FOXN3: variants seen among roughly 807,000 people sequenced by gnomAD.
FOXN3 encodes forkhead box protein N3.
FOXN3 carries 7 observed loss-of-function variants against 38.4 expected under a neutral mutation model. That is an observed-to-expected ratio of 0.18 (90% CI 0.10 to 0.34). FOXN3 has a LOEUF of 0.34. FOXN3 is among the 10% of genes least tolerant of loss of function. FOXN3 has a pLI of 1.00. For missense variants in FOXN3, 456 were observed against 613.4 expected (o/e 0.74, Z 2.71); for synonymous variants, 230 against 242.2 (o/e 0.95, Z 0.47).
chr14:89,415,075 T>C (rs771387090), intron 1 of FOXN3, among the ~76,000 whole-genome samples: 2 of 152,220 alleles, frequency 1.3e-5, no homozygotes, highest in Admixed American at 6.5e-5. Flanking sequence ...GAACGAATTA[T>C]AGCACCACTT....
In FOXN3 at chr14:89,600,763, T is replaced by C. The variant is rs1485225987; in HGVS notation, c.-15+18265A>G. On this transcript the variant is annotated intron_variant, in intron 1 of 6. Coordinates refer to the FOXN3 transcript ENST00000345097. ...GGACCCTATATACTATTAATGCCCT[T>C]GGCTGAGACTTGGTGCATTTGTGTA... Among the ~76,000 whole-genome samples the C allele has an allele frequency of 3.3e-5, 5 of 152,330 alleles. No individual in the cohort carries two copies. The East Asian group carries it at 7.7e-4, about 23-fold the overall frequency.
chr14:89,336,925 A>T (rs3783853), intron 3 of FOXN3, among the ~76,000 whole-genome samples: 2 of 151,908 alleles, frequency 1.3e-5, no homozygotes, highest in African/African-American at 4.8e-5. Flanking sequence ...AACATGCCAC[A>T]TCTAAGGGGT....
chr14:89,252,529 C>T (rs1007709939), intron 4 of FOXN3, among the ~76,000 whole-genome samples: 2 of 152,014 alleles, frequency 1.3e-5, no homozygotes, highest in Non-Finnish European at 2.9e-5. Flanking sequence ...TGGTGCATGC[C>T]TGTAATCCCA....
chr14:89,473,583 G>A (rs1052005407), intron 1 of FOXN3, among the ~76,000 whole-genome samples: 1 of 151,940 alleles, frequency 6.6e-6, no homozygotes, highest in African/African-American at 2.4e-5. Context: ...GCCCAGGCCA[G>A]TCTCAAGCTC....
chr14:89,167,460 G>C (rs1957833), intron 5 of FOXN3, among the ~76,000 whole-genome samples: 123,695 of 152,196 alleles, frequency 0.81, 50,527 homozygotes, highest in Non-Finnish European at 0.85. Context: ...CAGGGATTTA[G>C]TTGAGGACTC....
intron 4 of FOXN3, among the ~76,000 whole-genome samples, chr14:89,214,098 T>C (rs1884187614): frequency 6.6e-6 from 1 of 152,224 alleles, no homozygotes; most frequent in African/African-American, 2.4e-5. Context: ...CAGTGTGCCT[T>C]CTCTCTCAAC....
intron 4 of FOXN3, among the ~76,000 whole-genome samples, chr14:89,197,301 G>A (rs1839046538): frequency 6.6e-6 from 1 of 152,128 alleles, no homozygotes; most frequent in Non-Finnish European, 1.5e-5. Context: ...GAGGTCAGGA[G>A]TTCAAGACCA....
intron 3 of FOXN3, among the ~76,000 whole-genome samples, chr14:89,337,063 G>A (rs950016083): frequency 1.3e-5 from 2 of 152,074 alleles, no homozygotes; most frequent in African/African-American, 2.4e-5. Flanking sequence ...AATCAGGGAG[G>A]GGGAGGTGCC....
intron 4 of FOXN3, among the ~76,000 whole-genome samples, chr14:89,204,997 T>C (rs1888343164): frequency 1.4e-5 from 2 of 142,210 alleles, no homozygotes; most frequent in African/African-American, 6.2e-5. Flanking sequence ...GTGCAAGAGC[T>C]GATTTTCTGG....
chr14:89,194,863 A>T (rs551191526), intron 4 of FOXN3, among the ~76,000 whole-genome samples: 39 of 152,180 alleles, frequency 2.6e-4, no homozygotes, highest in Non-Finnish European at 4.9e-4. Flanking sequence ...TGAAAAACTA[A>T]GACACACACA....
At chr14:89,188,860 A>T (rs1196062486) in intron 4 of FOXN3, among the ~76,000 whole-genome samples, 2 of 152,188 alleles carry the variant, frequency 1.3e-5, no homozygotes, top group Non-Finnish European at 2.9e-5. Context: ...AAAAAAATTT[A>T]AAAACATATA....
intron 4 of FOXN3, among the ~76,000 whole-genome samples, chr14:89,191,516 C>T (rs887668019): frequency 6.6e-6 from 1 of 152,116 alleles, no homozygotes; most frequent in Non-Finnish European, 1.5e-5. Flanking sequence ...ACAAGGGGCT[C>T]GCACTTGTCA....
intron 3 of FOXN3, among the ~76,000 whole-genome samples, chr14:89,314,093 A>T (rs1887655022): frequency 6.6e-6 from 1 of 152,222 alleles, no homozygotes; most frequent in African/African-American, 2.4e-5. Context: ...AAAAGTGATT[A>T]AAAGTACATT....
intron 4 of FOXN3, among the ~76,000 whole-genome samples, chr14:89,225,985 T>C (rs1012876943): frequency 1.3e-5 from 2 of 152,144 alleles, no homozygotes; most frequent in African/African-American, 2.4e-5. Flanking sequence ...ACAAGTATTC[T>C]TCTATAAGTA....
chr14:89,568,975 C>T (rs1041582398), intron 1 of FOXN3, among the ~76,000 whole-genome samples: 3 of 152,194 alleles, frequency 2.0e-5, no homozygotes, highest in Admixed American at 1.3e-4. Flanking sequence ...GAGGCCAAGG[C>T]GGGCAGATCA....
At chr14:89,396,091 T>G (rs1891091808) in intron 2 of FOXN3, among the ~76,000 whole-genome samples, 1 of 152,176 alleles carries the variant, frequency 6.6e-6, no homozygotes, top group Admixed American at 6.5e-5. Context: ...AGGCTAAAAT[T>G]CAAGGACATT....
At chr14:89,448,603 T>C (rs1892556308) in intron 1 of FOXN3, among the ~76,000 whole-genome samples, 1 of 152,152 alleles carries the variant, frequency 6.6e-6, no homozygotes, top group African/African-American at 2.4e-5. Flanking sequence ...AATGACCCTG[T>C]CTGACAGGGC....
rs1178941733 is a variant in FOXN3 at position 89,361,918 on chromosome 14, ACCACCAC to A, written c.544-11117_544-11111del. 7.0e-3 allele frequency among the ~76,000 whole-genome samples: 2 copies of A among 286 alleles called. 1 individual carries two copies. 0.2% of individuals were successfully genotyped at this position (286 alleles called of 152,430 possible). On this transcript the variant is annotated intron_variant, in intron 2 of 5. Coordinates refer to ENST00000557258, the MANE Select transcript of FOXN3 (RefSeq NM_005197.4). ...CACCTCCACCACTACCACCTCCAGC[ACCACCAC>A]CTCCAGCACCACCTCCACCACTACC...
At chr14:89,474,911 G>A (rs1033944242) in intron 1 of FOXN3, among the ~76,000 whole-genome samples, 1 of 152,148 alleles carries the variant, frequency 6.6e-6, no homozygotes, top group Non-Finnish European at 1.5e-5. Context: ...CGCCTCCTGG[G>A]TTGAGGCAAT....
Sources: gnomAD v4.1 joint callset for allele counts (sites outside exome capture counted in the v4.1 genomes callset) on GRCh38, gnomAD v4.1.1 for gene constraint, MANE v1.5 for transcripts, NCBI Gene and HGNC (gene_info 2026-07-23, HGNC 2026-07-21) for gene names.